Variants in MAP3K15 observed in about 807,000 individuals in gnomAD.
MAP3K15 encodes the protein mitogen-activated protein kinase kinase kinase 15, also known as MAPK/ERK kinase kinase 15.
MAP3K15 carries 124 observed loss-of-function variants against 99.5 expected under a neutral mutation model. The ratio of observed to expected loss-of-function variants is 1.25; its 90% CI spans 1.08 to 1.45. The LOEUF (loss-of-function observed/expected upper bound fraction) is 1.45. MAP3K15 is among the 40% of genes most tolerant of loss of function. The pLI, the probability that MAP3K15 is intolerant of heterozygous loss-of-function variation, is 0.00. For missense variants in MAP3K15, 1,242 were observed against 1,079.7 expected, an observed-to-expected ratio of 1.15 and a Z score of -2.11; for synonymous variants, 494 against 439.6, an observed-to-expected ratio of 1.12 and a Z score of -1.55.
chrX:19,377,366 T>G (rs2063426161), intron 19 of MAP3K15, among the ~76,000 whole-genome samples: 1 of 111,190 alleles, frequency 9.0e-6, no homozygotes, highest in Admixed American at 9.5e-5. Flanking sequence ...GCCAACATGG[T>G]GAAACCCCAT....
intron 5 of MAP3K15, 80 bp downstream of exon 5, chrX:19,459,905 T>C: frequency 1.3e-6 from 1 of 760,695 alleles, no homozygotes. Context: ...ACATACTGAG[T>C]ATACAAATAC....
chrX:19,431,662 G>A, intron 6 of MAP3K15, 54 bp from the exon 7 acceptor site: 1 of 1,063,098 alleles, frequency 9.4e-7, no homozygotes, highest in Non-Finnish European at 1.3e-6. Flanking sequence ...CAATGGAGTA[G>A]AGGCCAGGTG....
chrX:19,498,203 G>C (rs1044954072), intron 1 of MAP3K15, among the ~76,000 whole-genome samples: 3 of 111,057 alleles, frequency 2.7e-5, no homozygotes, highest in African/African-American at 9.8e-5. Flanking sequence ...TTAATACTTT[G>C]TGAAAAAGTT....
chrX:19,459,932 C>CAAGCCAAGGAAGAACGTAGCATACGT (rs2064119252), intron 5 of MAP3K15, 53 bp downstream of exon 5: 24 of 1,005,667 alleles, frequency 2.4e-5, no homozygotes, highest in Non-Finnish European at 2.8e-5. Context: ...AGACGTTCCT[C>CAAGCCAAGGAAGAACGTAGCATACGT]AAGCCAAGGA....
intron 3 of MAP3K15, among the ~76,000 whole-genome samples, chrX:19,465,585 A>T (rs1602331309): frequency 4.6e-5 from 1 of 21,849 alleles, no homozygotes; most frequent in South Asian, 4.2e-3. Flanking sequence ...ATCTCTACTT[A>T]AAAAAAAAAA....
At chrX:19,399,690 C>T (rs752330090) in intron 14 of MAP3K15, among the ~76,000 whole-genome samples, 9 of 102,273 alleles carry the variant, frequency 8.8e-5, no homozygotes, top group South Asian at 4.7e-4. Flanking sequence ...GGCGAGATTG[C>T]GCCACTGCAC....
chrX:19,402,932 C>T (rs940554704), intron 13 of MAP3K15, among the ~76,000 whole-genome samples: 8 of 111,946 alleles, frequency 7.1e-5, no homozygotes, highest in Non-Finnish European at 1.1e-4. Context: ...TCCCAAAGTG[C>T]TGGGATTACA....
chrX:19,400,446 C>A (rs1458816100), intron 14 of MAP3K15, 130 bp downstream of exon 14: 1 of 426,855 alleles, frequency 2.3e-6, no homozygotes, highest in Admixed American at 3.6e-5. Context: ...TCTCTGGGAA[C>A]CATGCAGTGA....
intron 18 of MAP3K15, among the ~76,000 whole-genome samples, chrX:19,387,380 A>T (rs1425925212): frequency 9.0e-6 from 1 of 111,444 alleles, no homozygotes; most frequent in African/African-American, 3.3e-5. Flanking sequence ...TTTTATTTGT[A>T]TTATTTATTT....
intron 13 of MAP3K15, among the ~76,000 whole-genome samples, chrX:19,401,260 T>A (rs769812477): frequency 9.1e-5 from 10 of 109,842 alleles, no homozygotes; most frequent in Non-Finnish European, 1.5e-4. Context: ...AGTGATGTGA[T>A]CACAGCTCAA....
chrX:19,484,146 G>A (rs1195673549), intron 3 of MAP3K15, among the ~76,000 whole-genome samples: 2 of 111,847 alleles, frequency 1.8e-5, no homozygotes, highest in East Asian at 2.8e-4. Context: ...GACCAGTACC[G>A]GTCAGTGGCC....
At chrX:19,480,913 G>A (rs890837451) in intron 3 of MAP3K15, among the ~76,000 whole-genome samples, 1 of 107,882 alleles carries the variant, frequency 9.3e-6, no homozygotes, top group Non-Finnish European at 1.9e-5. Flanking sequence ...CCAGGAGTTT[G>A]AGACCAGCCT....
At chrX:19,387,731 C>T (rs917266620) in intron 18 of MAP3K15, among the ~76,000 whole-genome samples, 2 of 111,464 alleles carry the variant, frequency 1.8e-5, no homozygotes, top group African/African-American at 3.3e-5. Flanking sequence ...ATTCTGGTTC[C>T]AGGGGCTGCC....
chrX:19,474,798 T>C (rs2064230813), intron 3 of MAP3K15, among the ~76,000 whole-genome samples: 1 of 111,582 alleles, frequency 9.0e-6, no homozygotes. Flanking sequence ...TAAGATCTGC[T>C]GTTTGATCTC....
rs147323806 is a variant in MAP3K15 at position 19,371,344 on chromosome X, C to G, written c.3294+1G>C. On this transcript the variant is annotated splice_donor_variant, in intron 23 of 28. Transcript: ENST00000338883. LOFTEE classifies it high-confidence loss of function. Reference sequence around the variant, plus strand: ...TCCCTAGGGCCAGATGGAGCACTTACGGCATCCTGAAATCCGAACAGCACC... The same window carrying G: ...TCCCTAGGGCCAGATGGAGCACTTAGGGCATCCTGAAATCCGAACAGCACC... The G allele has an allele frequency of 3.5e-5, 42 of 1,200,713 alleles. No individual in the cohort carries two copies. The East Asian group carries it at 4.5e-4, about 13-fold the overall frequency.
chrX:19,395,699 C>T (rs1451426599), intron 15 of MAP3K15, among the ~76,000 whole-genome samples: 2 of 111,726 alleles, frequency 1.8e-5, no homozygotes, highest in Non-Finnish European at 3.8e-5. Flanking sequence ...CATTCCCCAA[C>T]CTTGGCCATT....
intron 4 of MAP3K15, among the ~76,000 whole-genome samples, chrX:19,462,987 C>T (rs757310098): frequency 8.9e-6 from 1 of 112,340 alleles, no homozygotes; most frequent in East Asian, 2.8e-4. Context: ...AACTTGAATC[C>T]ATGTCTTGCA....
Position 19,362,818 on chromosome X carries a change from T to A in MAP3K15, c.3599A>T (p.Glu1200Val), listed in dbSNP as rs747844024. Reference sequence around the variant, plus strand: ...AGTTTGCCGCAGAAGATTCTGGTACTCTCTCTCTTTTTCAACTAGGTGTTC... The same window carrying A: ...AGTTTGCCGCAGAAGATTCTGGTACACTCTCTCTTTTTCAACTAGGTGTTC... ...LLEHLVEKER[E>V]YQNLLRQTLE... Residue 1200 changes from glutamate (E) to valine (V), a missense_variant, in exon 26 of 29, where the codon GAG becomes GTG. By Grantham distance (121) the Glu-to-Val change is moderately radical. Transcript: ENST00000338883. 2 of 1,170,384 alleles carry A rather than the reference T, an allele frequency of 1.7e-6. No homozygotes were observed. The highest frequency in any genetic ancestry group is 3.0e-5 in the East Asian group (1 of 33,473).
intron 14 of MAP3K15, 139 bp from the exon 15 acceptor site, chrX:19,398,498 T>C: frequency 1.7e-6 from 1 of 590,657 alleles, no homozygotes; most frequent in Non-Finnish European, 2.5e-6. Flanking sequence ...AGTGCTTAGC[T>C]TAGGCCCTTT....
Sources: allele counts gnomAD v4.1 joint callset (sites outside exome capture counted in the v4.1 genomes callset), GRCh38; gene constraint gnomAD v4.1.1; transcripts MANE v1.5; gene names NCBI Gene and HGNC (gene_info 2026-07-23, HGNC 2026-07-21).